Variants in IL1RAPL2 observed in about 807,000 individuals in gnomAD.
IL1RAPL2 encodes interleukin 1 receptor accessory protein like 2, also known as X-linked interleukin-1 receptor accessory protein-like 2.
Under a neutral mutation model 44.1 loss-of-function variants are expected in IL1RAPL2, and 3 were observed. The ratio of observed to expected loss-of-function variants is 0.07; its 90% CI spans 0.03 to 0.18. IL1RAPL2 has a LOEUF of 0.18. Among genes scored for constraint, IL1RAPL2 ranks in the 10% least tolerant of loss-of-function variants. The pLI, the probability that IL1RAPL2 is intolerant of heterozygous loss-of-function variation, is 1.00. For synonymous variants in IL1RAPL2, 181 were observed against 178.8 expected (o/e 1.01, Z -0.10); for missense variants, 391 against 496.4 (o/e 0.79, Z 2.02).
chrX:104,779,352 G>A (rs1287007669), intron 2 of IL1RAPL2, among the ~76,000 whole-genome samples: 6 of 111,731 alleles, frequency 5.4e-5, no homozygotes, highest in South Asian at 3.7e-4. Context: ...TGTTTGCATC[G>A]TCTTCCAGGT....
chrX:104,869,738 T>C (rs919973239), intron 2 of IL1RAPL2, among the ~76,000 whole-genome samples: 4 of 111,971 alleles, frequency 3.6e-5, no homozygotes, highest in African/African-American at 1.3e-4. Context: ...GAAGGAGCTA[T>C]AGCCAAGCTG....
intron 6 of IL1RAPL2, among the ~76,000 whole-genome samples, chrX:105,554,624 T>A (rs2036884140): frequency 9.0e-6 from 1 of 111,603 alleles, no homozygotes; most frequent in African/African-American, 3.3e-5. Flanking sequence ...TCAGCTTTTT[T>A]TTCCTCAATA....
At chrX:105,333,766 C>T (rs1465621007) in intron 5 of IL1RAPL2, among the ~76,000 whole-genome samples, 10 of 112,025 alleles carry the variant, frequency 8.9e-5, no homozygotes, top group African/African-American at 3.2e-4. Flanking sequence ...TGAAAAGGTG[C>T]TCAACATCAT....
intron 2 of IL1RAPL2, among the ~76,000 whole-genome samples, chrX:104,951,428 AT>A (rs1925582358): frequency 8.9e-6 from 1 of 112,484 alleles, no homozygotes; most frequent in African/African-American, 3.2e-5. Flanking sequence ...TCTTTTGTAA[AT>A]TGAATGCACA....
At chrX:105,402,989 A>C (rs1425524386) in intron 5 of IL1RAPL2, among the ~76,000 whole-genome samples, 2 of 111,856 alleles carry the variant, frequency 1.8e-5, no homozygotes, top group Admixed American at 9.5e-5. Flanking sequence ...AAAATCCTAA[A>C]AATGTCAAAG....
chrX:105,406,326 A>G (rs755990874), intron 5 of IL1RAPL2: 59 of 1,054,156 alleles, frequency 5.6e-5, no homozygotes, highest in Non-Finnish European at 7.1e-5. Context: ...CCCATTTTGA[A>G]CTCCTTGCGT....
At chrX:105,349,183 C>A (rs923536246) in intron 5 of IL1RAPL2, among the ~76,000 whole-genome samples, 1 of 111,953 alleles carries the variant, frequency 8.9e-6, no homozygotes, top group Non-Finnish European at 1.9e-5. Flanking sequence ...CCATGTGTAA[C>A]TGACTTGTGA....
chrX:104,658,590 T>G (rs111603044), intron 1 of IL1RAPL2, among the ~76,000 whole-genome samples: 1 of 112,355 alleles, frequency 8.9e-6, no homozygotes, highest in Non-Finnish European at 1.9e-5. Context: ...GTTGTGCACA[T>G]GTACACTAGA....
At chrX:105,406,409 G>A in intron 5 of IL1RAPL2, 12 of 1,087,097 alleles carry the variant, frequency 1.1e-5, no homozygotes, top group Non-Finnish European at 1.5e-5. Flanking sequence ...TTTTGGTATT[G>A]TCTCATTGAT....
intron 2 of IL1RAPL2, among the ~76,000 whole-genome samples, chrX:104,733,776 G>A (rs1025549977): frequency 2.3e-4 from 25 of 110,394 alleles, no homozygotes; most frequent in African/African-American, 7.9e-4. Flanking sequence ...CATGACCTAG[G>A]ATTAAGAAAA....
intron 4 of IL1RAPL2, among the ~76,000 whole-genome samples, chrX:105,237,566 G>A (rs1234394383): frequency 2.7e-5 from 3 of 111,768 alleles, no homozygotes; most frequent in African/African-American, 9.8e-5. Flanking sequence ...ATCTCATTGT[G>A]GTTTTGATTT....
intron 5 of IL1RAPL2, among the ~76,000 whole-genome samples, chrX:105,382,918 A>G (rs200532561): frequency 1.1e-5 from 1 of 92,722 alleles, no homozygotes; most frequent in Non-Finnish European, 2.1e-5. Flanking sequence ...GAATTGAACA[A>G]TGAGAACACA....
At chrX:104,665,544 AT>A (rs11368017) in intron 2 of IL1RAPL2, among the ~76,000 whole-genome samples, 15,445 of 110,286 alleles carry the variant, frequency 0.14, 2,751 homozygotes, top group African/African-American at 0.49. Context: ...TCATGATTGA[AT>A]TTTTTATAGA....
At chrX:105,686,319 C>T (rs1448470054) in intron 6 of IL1RAPL2, among the ~76,000 whole-genome samples, 1 of 86,111 alleles carries the variant, frequency 1.2e-5, no homozygotes, top group African/African-American at 4.6e-5. Context: ...ATCTCACATG[C>T]AAAGACACAC....
chrX:104,733,651 A>G (rs866128992), intron 2 of IL1RAPL2, among the ~76,000 whole-genome samples: 6 of 105,554 alleles, frequency 5.7e-5, no homozygotes, highest in African/African-American at 2.2e-4. Flanking sequence ...AATAATAGTA[A>G]TAATAATAAT....
intron 2 of IL1RAPL2, among the ~76,000 whole-genome samples, chrX:104,741,839 A>T (rs1419181597): frequency 1.8e-5 from 2 of 111,381 alleles, no homozygotes; most frequent in Admixed American, 1.9e-4. Flanking sequence ...GCAAGAAAAA[A>T]GTCACTTTTC....
chrX:104,946,883 C>A (rs1228629821), intron 2 of IL1RAPL2, among the ~76,000 whole-genome samples: 1 of 94,801 alleles, frequency 1.1e-5, no homozygotes, highest in African/African-American at 3.9e-5. Context: ...CATACGTGTG[C>A]ATGTGTCTTT....
intron 3 of IL1RAPL2, among the ~76,000 whole-genome samples, chrX:105,211,181 G>A (rs942066862): frequency 5.4e-5 from 6 of 111,751 alleles, no homozygotes; most frequent in Non-Finnish European, 7.5e-5. Context: ...TGATGGCATC[G>A]TGCTTTTGCC....
At chrX:105,324,110 A>G (rs2034917443) in intron 5 of IL1RAPL2, among the ~76,000 whole-genome samples, 1 of 111,291 alleles carries the variant, frequency 9.0e-6, no homozygotes, top group Admixed American at 9.6e-5. Context: ...GAGAGGTATG[A>G]GCAGTGTGGT....
Sources: gnomAD v4.1 joint callset for allele counts (sites outside exome capture counted in the v4.1 genomes callset) on GRCh38, gnomAD v4.1.1 for gene constraint, MANE v1.5 for transcripts, NCBI Gene and HGNC (gene_info 2026-07-23, HGNC 2026-07-21) for gene names.